Variants in HLCS observed in about 807,000 individuals in gnomAD.
HLCS encodes biotin--protein ligase.
Under a neutral mutation model 75.0 loss-of-function variants are expected in HLCS, and 53 were observed. The observed-to-expected ratio is 0.71, with a 90% CI of 0.57 to 0.89. The LOEUF (loss-of-function observed/expected upper bound fraction) is 0.89, where lower values mean the gene tolerates loss of function less well. Ranked by LOEUF, HLCS falls within the 40% of genes least tolerant of loss-of-function variation. HLCS has a pLI of 0.00. For missense variants in HLCS, 966 were observed against 1,074.0 expected, an observed-to-expected ratio of 0.90 and a Z score of 1.41; for synonymous variants, 431 against 428.6, an observed-to-expected ratio of 1.01 and a Z score of -0.07.
chr21:36,927,807 C>T (rs2066471572), intron 5 of HLCS, among the ~76,000 whole-genome samples: 1 of 152,204 alleles, frequency 6.6e-6, no homozygotes. Context: ...AGCAGCGACA[C>T]CCTGTGGTGA....
intron 6 of HLCS, among the ~76,000 whole-genome samples, chr21:36,848,591 C>T (rs1443507170): frequency 1.3e-5 from 2 of 152,154 alleles, no homozygotes; most frequent in African/African-American, 2.4e-5. Context: ...TTTTTGTATA[C>T]TGAAAATATT....
At chr21:36,851,464 G>C (rs2063004612) in intron 6 of HLCS, among the ~76,000 whole-genome samples, 1 of 152,158 alleles carries the variant, frequency 6.6e-6, no homozygotes, top group East Asian at 1.9e-4. Flanking sequence ...ATTTATGTGT[G>C]GGAGCTAAAA....
chr21:36,767,387 G>A (rs1654974494), intron 6 of HLCS, 102 bp from the exon 7 acceptor site: 9 of 1,199,534 alleles, frequency 7.5e-6, no homozygotes, highest in Non-Finnish European at 9.9e-6. Context: ...CTGGGGGTGT[G>A]TGGCCATGGA....
chr21:36,817,613 G>T (rs2061701046), intron 6 of HLCS, among the ~76,000 whole-genome samples: 2 of 152,092 alleles, frequency 1.3e-5, no homozygotes, highest in African/African-American at 4.8e-5. Flanking sequence ...GCAATTCCTG[G>T]AATAAAGGAG....
intron 10 of HLCS, 83 bp from the exon 11 acceptor site, chr21:36,754,500 A>T: frequency 6.9e-7 from 1 of 1,449,196 alleles, no homozygotes; most frequent in South Asian, 1.2e-5. Context: ...ATCCATGATG[A>T]GAGAGCTGGG....
intron 6 of HLCS, among the ~76,000 whole-genome samples, chr21:36,808,388 T>C (rs185775646): frequency 1.7e-4 from 26 of 152,378 alleles, no homozygotes; most frequent in African/African-American, 6.3e-4. Context: ...CCCCATTTCC[T>C]GTCTTTAAAA....
At chr21:36,860,615 AAGG>A (rs2063352388) in intron 6 of HLCS, among the ~76,000 whole-genome samples, 1 of 152,210 alleles carries the variant, frequency 6.6e-6, no homozygotes, top group Admixed American at 6.5e-5. Context: ...TTTATTTTGG[AAGG>A]AGGAGAGGCT....
At chr21:36,835,686 A>G (rs760649989) in intron 6 of HLCS, among the ~76,000 whole-genome samples, 1 of 152,318 alleles carries the variant, frequency 6.6e-6, no homozygotes. Context: ...GGGCAGAATC[A>G]GCTGTCACAG....
At chr21:36,789,299 A>C (rs1204865284) in intron 6 of HLCS, among the ~76,000 whole-genome samples, 1 of 152,188 alleles carries the variant, frequency 6.6e-6, no homozygotes, top group Non-Finnish European at 1.5e-5. Context: ...AGTACATACC[A>C]CCTCATCCAT....
intron 6 of HLCS, among the ~76,000 whole-genome samples, chr21:36,815,604 G>A (rs1165913376): frequency 6.6e-6 from 1 of 152,154 alleles, no homozygotes; most frequent in Non-Finnish European, 1.5e-5. Flanking sequence ...GAGTAAAGAC[G>A]GGGGATAGGT....
intron 7 of HLCS, among the ~76,000 whole-genome samples, chr21:36,765,831 G>C (rs764028189): frequency 7.9e-5 from 12 of 152,114 alleles, no homozygotes; most frequent in Non-Finnish European, 1.8e-4. Context: ...ATTTTTAGTA[G>C]AGACAGGGTT....
chr21:36,926,954 C>G (rs2066435280), intron 5 of HLCS, among the ~76,000 whole-genome samples: 2 of 152,276 alleles, frequency 1.3e-5, no homozygotes, highest in South Asian at 4.1e-4. Context: ...CCAGGTTGCC[C>G]AGGCTGGTCT....
At chr21:36,859,895 G>A (rs556805037) in intron 6 of HLCS, among the ~76,000 whole-genome samples, 53 of 152,326 alleles carry the variant, frequency 3.5e-4, no homozygotes, top group African/African-American at 1.0e-3. Context: ...AGACGGTTTC[G>A]CAATAATCAA....
At chr21:36,946,556 C>T (rs2067407030) in intron 2 of HLCS, among the ~76,000 whole-genome samples, 1 of 151,940 alleles carries the variant, frequency 6.6e-6, no homozygotes, top group African/African-American at 2.4e-5. Context: ...ACAACAAAAT[C>T]TTATTCCTTA....
At chr21:36,803,730 T>TTTTG in intron 6 of HLCS, among the ~76,000 whole-genome samples, 1 of 136,156 alleles carries the variant, frequency 7.3e-6, no homozygotes, top group African/African-American at 2.8e-5. Flanking sequence ...AAGTGTTTTG[T>TTTTG]TTTGTTTTGT....
chr21:36,975,408 G>A (rs997273217), intron 1 of HLCS, among the ~76,000 whole-genome samples: 74 of 151,978 alleles, frequency 4.9e-4, no homozygotes, highest in African/African-American at 1.6e-3. Flanking sequence ...GATGATTCCC[G>A]GTGCCCGTCC....
At chr21:36,778,124 A>G (rs935598148) in intron 6 of HLCS, among the ~76,000 whole-genome samples, 3 of 151,778 alleles carry the variant, frequency 2.0e-5, no homozygotes, top group South Asian at 2.1e-4. Context: ...GCCCGCCACC[A>G]CGCCCGGCTA....
intron 6 of HLCS, among the ~76,000 whole-genome samples, chr21:36,785,442 ATC>A (rs2060658457): frequency 6.6e-6 from 1 of 150,990 alleles, no homozygotes; most frequent in South Asian, 2.1e-4. Context: ...TTTTCTACCC[ATC>A]TCTCCCGGCT....
chr21:36,793,586 C>T (rs927362103), intron 6 of HLCS, among the ~76,000 whole-genome samples: 2 of 152,054 alleles, frequency 1.3e-5, no homozygotes, highest in African/African-American at 4.8e-5. Context: ...AGGTGTGAGC[C>T]ACCGCGCCCA....
Sources: gnomAD v4.1 joint callset for allele counts (sites outside exome capture counted in the v4.1 genomes callset) on GRCh38, gnomAD v4.1.1 for gene constraint, MANE v1.5 for transcripts, NCBI Gene and HGNC (gene_info 2026-07-23, HGNC 2026-07-21) for gene names.